Variants in FHIT observed in about 807,000 individuals in gnomAD.
FHIT encodes the protein fragile histidine triad diadenosine triphosphatase, also known as bis(5'-adenosyl)-triphosphatase.
Under a neutral mutation model 17.9 loss-of-function variants are expected in FHIT, and 19 were observed. The observed-to-expected ratio is 1.06, with a 90% CI of 0.74 to 1.56. The LOEUF (loss-of-function observed/expected upper bound fraction) is 1.56, where lower values mean the gene tolerates loss of function less well. Among genes scored for constraint, FHIT ranks in the 40% most tolerant of loss-of-function variants. The pLI, the probability that FHIT is intolerant of heterozygous loss-of-function variation, is 0.00. For missense variants in FHIT, 248 were observed against 189.2 expected (o/e 1.31, Z -1.82); for synonymous variants, 81 against 69.7 (o/e 1.16, Z -0.81).
At chr3:59,866,727 G>A (rs750149291) in intron 8 of FHIT, among the ~76,000 whole-genome samples, 2 of 152,124 alleles carry the variant, frequency 1.3e-5, no homozygotes, top group Admixed American at 6.6e-5. Flanking sequence ...TGTGGGGAGG[G>A]AGGAGATAGT....
intron 5 of FHIT, among the ~76,000 whole-genome samples, chr3:60,529,627 C>G (rs1424291858): frequency 6.6e-6 from 1 of 152,160 alleles, no homozygotes; most frequent in African/African-American, 2.4e-5. Flanking sequence ...TCCTTAAAAT[C>G]TGATGACTTG....
chr3:60,075,197 T>G (rs529552317), intron 5 of FHIT, among the ~76,000 whole-genome samples: 1 of 152,104 alleles, frequency 6.6e-6, no homozygotes, highest in Non-Finnish European at 1.5e-5. Context: ...ATCTTTAAAA[T>G]AGCAGACTGC....
At chr3:60,446,471 C>T (rs1007929381) in intron 5 of FHIT, among the ~76,000 whole-genome samples, 1 of 152,158 alleles carries the variant, frequency 6.6e-6, no homozygotes, top group Non-Finnish European at 1.5e-5. Context: ...TTTACACACA[C>T]TCCATAGGTG....
intron 4 of FHIT, among the ~76,000 whole-genome samples, chr3:60,662,563 T>C (rs1271460187): frequency 6.6e-6 from 1 of 152,162 alleles, no homozygotes; most frequent in Non-Finnish European, 1.5e-5. Context: ...ATTGTTTTTT[T>C]CTAGTTCTAT....
At chr3:60,211,376 G>C (rs1703446905) in intron 5 of FHIT, among the ~76,000 whole-genome samples, 1 of 151,940 alleles carries the variant, frequency 6.6e-6, no homozygotes, top group Non-Finnish European at 1.5e-5. Flanking sequence ...GAGTATAAGG[G>C]AGATATAGAA....
intron 8 of FHIT, among the ~76,000 whole-genome samples, chr3:59,870,603 C>T (rs1320179316): frequency 6.6e-6 from 1 of 152,090 alleles, no homozygotes; most frequent in African/African-American, 2.4e-5. Context: ...CAGAGAGCCC[C>T]ATTAATAAGG....
At chr3:60,381,397 G>C (rs1200029919) in intron 5 of FHIT, among the ~76,000 whole-genome samples, 1 of 151,820 alleles carries the variant, frequency 6.6e-6, no homozygotes, top group Non-Finnish European at 1.5e-5. Flanking sequence ...AGAATTGCTT[G>C]AACCTGGGAA....
At chr3:61,061,137 T>C (rs2034413716) in intron 2 of FHIT, among the ~76,000 whole-genome samples, 1 of 152,212 alleles carries the variant, frequency 6.6e-6, no homozygotes, top group Non-Finnish European at 1.5e-5. Context: ...ACAGGACTTG[T>C]TGTCAGGAGA....
chr3:60,351,170 T>G (rs1395705046), intron 5 of FHIT, among the ~76,000 whole-genome samples: 1 of 152,136 alleles, frequency 6.6e-6, no homozygotes, highest in Non-Finnish European at 1.5e-5. Context: ...ACCACTAAAT[T>G]TGGAGTAATT....
At chr3:60,425,166 C>T (rs1702616909) in intron 5 of FHIT, among the ~76,000 whole-genome samples, 1 of 152,088 alleles carries the variant, frequency 6.6e-6, no homozygotes, top group South Asian at 2.1e-4. Context: ...CACCCTCCTA[C>T]AGGAGGGGAT....
chr3:60,278,387 G>A (rs1707269670), intron 5 of FHIT, among the ~76,000 whole-genome samples: 1 of 152,270 alleles, frequency 6.6e-6, no homozygotes, highest in South Asian at 2.1e-4. Context: ...GACTCTTTTA[G>A]CCTTCCTGTC....
chr3:60,355,644 A>G (rs1411089669), intron 5 of FHIT, among the ~76,000 whole-genome samples: 1 of 152,216 alleles, frequency 6.6e-6, no homozygotes, highest in African/African-American at 2.4e-5. Context: ...GCAAAGAAAC[A>G]ATCAGCAGCA....
chr3:60,620,922 G>A (rs782535827), intron 4 of FHIT, among the ~76,000 whole-genome samples: 6 of 152,034 alleles, frequency 3.9e-5, no homozygotes, highest in Admixed American at 2.0e-4. Context: ...CTCTGCACTC[G>A]TTGCTCAATT....
chr3:60,199,363 A>T (rs1394473066), intron 5 of FHIT, among the ~76,000 whole-genome samples: 1 of 152,192 alleles, frequency 6.6e-6, no homozygotes, highest in Non-Finnish European at 1.5e-5. Context: ...TTGGTGAGAC[A>T]GGCTAAATTG....
At chr3:59,852,146 T>G (rs1701966695) in intron 8 of FHIT, among the ~76,000 whole-genome samples, 2 of 152,308 alleles carry the variant, frequency 1.3e-5, no homozygotes, top group South Asian at 4.1e-4. Flanking sequence ...CCAGCCACAT[T>G]CCATCTCCTT....
At chr3:60,897,881 T>G (rs1328594738) in intron 3 of FHIT, among the ~76,000 whole-genome samples, 15 of 152,190 alleles carry the variant, frequency 9.9e-5, no homozygotes, top group Admixed American at 9.8e-4. Context: ...TGTTTTATAA[T>G]CACATACTTT....
chr3:60,814,305 C>A (rs2106731335), intron 4 of FHIT, among the ~76,000 whole-genome samples: 1 of 152,170 alleles, frequency 6.6e-6, no homozygotes, highest in South Asian at 2.1e-4. Flanking sequence ...TAGCATTACC[C>A]AGGTACTGAG....
intron 4 of FHIT, among the ~76,000 whole-genome samples, chr3:60,744,269 A>AAAAAAAAAAAAAAAAC (rs2042306809): frequency 1.9e-4 from 3 of 16,050 alleles, no homozygotes; most frequent in Non-Finnish European, 2.6e-4. Context: ...AAAACAAAAC[A>AAAAAAAAAAAAAAAAC]AAAAAAAAAA....
Position 60,512,744 on chromosome 3 carries a change from C to T in FHIT, c.103+24116G>A, listed in dbSNP as rs72883930. 5.4e-3 allele frequency among the ~76,000 whole-genome samples: 825 copies of T among 152,034 alleles called. 5 individuals carry two copies. The highest frequency in any genetic ancestry group is 0.018 in the African/African-American group (765 of 41,456). On this transcript the variant is annotated intron_variant, in intron 5 of 9. Coordinates refer to ENST00000492590, the MANE Select transcript of FHIT (RefSeq NM_002012.4). Reference sequence around the variant, plus strand: ...CTTGCCAAAAATGGTTTAAATGAACCGAATCAGGAGAAAACAATGAGATGG... The same window carrying T: ...CTTGCCAAAAATGGTTTAAATGAACTGAATCAGGAGAAAACAATGAGATGG...
Sources: allele counts gnomAD v4.1 joint callset (sites outside exome capture counted in the v4.1 genomes callset), GRCh38; gene constraint gnomAD v4.1.1; transcripts MANE v1.5; gene names NCBI Gene and HGNC (gene_info 2026-07-23, HGNC 2026-07-21).